Variants in PEX7 observed in about 807,000 individuals in gnomAD.
PEX7 encodes the protein peroxisomal biogenesis factor 7.
PEX7 carries 34 observed loss-of-function variants against 47.5 expected under a neutral mutation model. That is an observed-to-expected ratio of 0.72 (90% confidence interval 0.54 to 0.95). PEX7 has a LOEUF of 0.95. PEX7 is among the 40% of genes least tolerant of loss of function. The pLI is 0.00. For synonymous variants in PEX7, 141 were observed against 148.8 expected (o/e 0.95, Z 0.38); for missense variants, 394 against 400.3 (o/e 0.98, Z 0.13).
intron 8 of PEX7, among the ~76,000 whole-genome samples, chr6:136,873,254 G>T (rs1316156101): frequency 6.6e-6 from 1 of 152,094 alleles, no homozygotes; most frequent in African/African-American, 2.4e-5. Context: ...ATACACCATT[G>T]TGTGGATGTG....
At chr6:136,834,208 C>T (rs1423940332) in intron 3 of PEX7, among the ~76,000 whole-genome samples, 2 of 152,018 alleles carry the variant, frequency 1.3e-5, no homozygotes, top group African/African-American at 4.8e-5. Context: ...TTGTTTTTAT[C>T]TTGAGATGGA....
At chr6:136,824,996 C>T (rs1428908023) in intron 1 of PEX7, among the ~76,000 whole-genome samples, 2 of 152,002 alleles carry the variant, frequency 1.3e-5, no homozygotes, top group African/African-American at 4.8e-5. Context: ...AACTGAAGTA[C>T]AATATGGAAA....
At chr6:136,876,163 G>A (rs1775268987) in intron 8 of PEX7, among the ~76,000 whole-genome samples, 2 of 151,312 alleles carry the variant, frequency 1.3e-5, no homozygotes, top group South Asian at 2.1e-4. Context: ...TCAGCCTCCC[G>A]AGTAGCTGGG....
At chr6:136,886,077 T>C (rs1213038459) in intron 8 of PEX7, among the ~76,000 whole-genome samples, 1 of 152,220 alleles carries the variant, frequency 6.6e-6, no homozygotes, top group African/African-American at 2.4e-5. Context: ...CTCCTTGGGC[T>C]TGAGGCCATT....
At chr6:136,845,733 C>A in intron 4 of PEX7, 41 bp downstream of exon 4, 2 of 1,178,840 alleles carry the variant, frequency 1.7e-6, no homozygotes, top group Non-Finnish European at 2.6e-6. Context: ...ATATTCCCTT[C>A]TCTAGAGCTT....
intron 3 of PEX7, among the ~76,000 whole-genome samples, chr6:136,831,757 G>C (rs576066316): frequency 2.1e-4 from 32 of 152,274 alleles, no homozygotes; most frequent in Non-Finnish European, 3.7e-4. Flanking sequence ...CAGCAGTGCA[G>C]TTACTAAATC....
intron 3 of PEX7, among the ~76,000 whole-genome samples, chr6:136,836,955 GAAACAA>G (rs1774396703): frequency 2.0e-5 from 3 of 149,818 alleles, no homozygotes; most frequent in Admixed American, 2.0e-4. Context: ...CTTGTCACAA[GAAACAA>G]AAACAAAGAA....
intron 8 of PEX7, among the ~76,000 whole-genome samples, chr6:136,879,643 A>T (rs994789404): frequency 2.0e-5 from 3 of 152,020 alleles, no homozygotes; most frequent in Non-Finnish European, 4.4e-5. Context: ...AAGTATATAG[A>T]TTTGGGTCTT....
chr6:136,893,210 A>G (rs186483368), intron 8 of PEX7, among the ~76,000 whole-genome samples: 3 of 150,252 alleles, frequency 2.0e-5, no homozygotes, highest in African/African-American at 7.3e-5. Context: ...TTCTTTTTTT[A>G]AAGAGAAAAT....
chr6:136,901,179 G>A (rs1775747585), intron 9 of PEX7: 1 of 152,454 alleles, frequency 6.6e-6, no homozygotes, highest in Non-Finnish European at 1.5e-5. Flanking sequence ...ATAGGAGAGA[G>A]ATAATTTGTA....
intron 8 of PEX7, among the ~76,000 whole-genome samples, chr6:136,894,228 G>C (rs1775604924): frequency 6.6e-6 from 1 of 152,088 alleles, no homozygotes; most frequent in Non-Finnish European, 1.5e-5. Context: ...GGAGGCCAAG[G>C]TGGGCAGATC....
intron 9 of PEX7, among the ~76,000 whole-genome samples, chr6:136,911,189 T>C (rs1471127885): frequency 6.6e-6 from 1 of 151,994 alleles, no homozygotes; most frequent in African/African-American, 2.4e-5. Context: ...TTCTGACTTT[T>C]TGTTTGTTTG....
intron 3 of PEX7, among the ~76,000 whole-genome samples, chr6:136,835,069 A>G (rs1774360835): frequency 6.6e-6 from 1 of 151,820 alleles, no homozygotes. Flanking sequence ...TCTCCCAAGT[A>G]TCTGGGCTAA....
chr6:136,844,034 T>C (rs964264257), intron 3 of PEX7, among the ~76,000 whole-genome samples: 3 of 152,232 alleles, frequency 2.0e-5, no homozygotes, highest in African/African-American at 7.2e-5. Context: ...ATATTAATTT[T>C]ATTAAACTTT....
At chr6:136,865,954 G>A (rs1187683436) in intron 5 of PEX7, among the ~76,000 whole-genome samples, 4 of 151,834 alleles carry the variant, frequency 2.6e-5, no homozygotes, top group African/African-American at 4.8e-5. Context: ...GTGGTGGTGT[G>A]CACCTGTAGT....
chr6:136,826,172 T>A (rs1774187155), intron 2 of PEX7, 147 bp from the exon 3 acceptor site: 3 of 852,084 alleles, frequency 3.5e-6, no homozygotes, highest in African/African-American at 3.3e-5. Flanking sequence ...TCTACTTAAC[T>A]CCCGTAGTTG....
intron 5 of PEX7, among the ~76,000 whole-genome samples, chr6:136,859,227 G>A (rs1774915738): frequency 6.6e-6 from 1 of 152,126 alleles, no homozygotes; most frequent in Non-Finnish European, 1.5e-5. Flanking sequence ...GAAGTTTTTA[G>A]AGAACTACCA....
At chr6:136,843,189 G>T (rs1479712450) in intron 3 of PEX7, among the ~76,000 whole-genome samples, 1 of 152,176 alleles carries the variant, frequency 6.6e-6, no homozygotes, top group East Asian at 1.9e-4. Flanking sequence ...CACCTTACTA[G>T]CTTTGGGACT....
chr6:136,824,991 A>C (rs1242186855), intron 1 of PEX7, among the ~76,000 whole-genome samples: 4 of 152,210 alleles, frequency 2.6e-5, no homozygotes, highest in African/African-American at 9.7e-5. Flanking sequence ...TTAGTAACTG[A>C]AGTACAATAT....
Sources: gnomAD v4.1 joint callset for allele counts (sites outside exome capture counted in the v4.1 genomes callset) on GRCh38, gnomAD v4.1.1 for gene constraint, MANE v1.5 for transcripts, NCBI Gene and HGNC (gene_info 2026-07-23, HGNC 2026-07-21) for gene names.